LRRTM4: variants seen among roughly 807,000 people sequenced by gnomAD.
LRRTM4 encodes the protein leucine rich repeat transmembrane neuronal 4, also known as leucine-rich repeat transmembrane neuronal protein 4.
LRRTM4 carries 25 observed loss-of-function variants against 47.6 expected under a neutral mutation model. That is an observed-to-expected ratio of 0.53 (90% CI 0.38 to 0.73). The LOEUF (loss-of-function observed/expected upper bound fraction) is 0.73. LRRTM4 is among the 30% of genes least tolerant of loss of function. The pLI, the probability that LRRTM4 is intolerant of heterozygous loss-of-function variation, is 0.00. For synonymous variants in LRRTM4, 311 were observed against 269.5 expected, an observed-to-expected ratio of 1.15 and a Z score of -1.51; for missense variants, 638 against 713.4, an observed-to-expected ratio of 0.89 and a Z score of 1.20.
At chr2:77,088,338 A>G (rs950450464) in intron 3 of LRRTM4, among the ~76,000 whole-genome samples, 9 of 152,044 alleles carry the variant, frequency 5.9e-5, no homozygotes, top group African/African-American at 1.5e-4. Flanking sequence ...GCCCTGCCCC[A>G]CCTTAACTGA....
intron 3 of LRRTM4, among the ~76,000 whole-genome samples, chr2:77,117,603 T>C (rs1193966586): frequency 6.6e-6 from 1 of 151,962 alleles, no homozygotes; most frequent in Non-Finnish European, 1.5e-5. Context: ...AAATGACCAA[T>C]AAATAAATAA....
chr2:76,975,300 A>T (rs1219602262), intron 3 of LRRTM4, among the ~76,000 whole-genome samples: 1 of 151,852 alleles, frequency 6.6e-6, no homozygotes, highest in East Asian at 1.9e-4. Context: ...TGTAATAGCT[A>T]GTTTAGGCAA....
intron 3 of LRRTM4, among the ~76,000 whole-genome samples, chr2:76,929,505 C>T (rs1047660657): frequency 6.6e-6 from 1 of 152,126 alleles, no homozygotes; most frequent in Non-Finnish European, 1.5e-5. Flanking sequence ...TAATTTTAGA[C>T]CTGCTCTGCT....
intron 3 of LRRTM4, among the ~76,000 whole-genome samples, chr2:77,314,031 C>A (rs771982795): frequency 6.6e-6 from 1 of 152,142 alleles, no homozygotes; most frequent in Non-Finnish European, 1.5e-5. Context: ...GTTTGTAATG[C>A]AACTTACAAT....
rs769744760 is a variant in LRRTM4 at position 77,046,816 on chromosome 2, AAGAC to A, written c.1552-297904_1552-297901del. Reference sequence around the variant, plus strand: ...GCACACAATTTTTGTCATCCAGAAAAAGACAGAATGACTTTGAAGAGTTTGAAGT... The same window carrying A: ...GCACACAATTTTTGTCATCCAGAAAAAGAATGACTTTGAAGAGTTTGAAGT... On this transcript the variant is annotated intron_variant, in intron 3 of 3. Transcript: ENST00000409884. Among the ~76,000 whole-genome samples the A allele has an allele frequency of 4.6e-5, 7 of 152,122 alleles. No homozygotes were observed. The South Asian group carries it at 1.5e-3, about 32-fold the overall frequency.
chr2:77,068,769 G>T (rs1455468492), intron 3 of LRRTM4, among the ~76,000 whole-genome samples: 5 of 152,134 alleles, frequency 3.3e-5, no homozygotes, highest in Admixed American at 2.0e-4. Context: ...CCATAAACTG[G>T]CCCCAAAACT....
chr2:77,482,953 T>C (rs566966935), intron 3 of LRRTM4, among the ~76,000 whole-genome samples: 1 of 151,468 alleles, frequency 6.6e-6, no homozygotes, highest in East Asian at 2.0e-4. Flanking sequence ...AAACCCTGTC[T>C]CTACTAAAAA....
intron 3 of LRRTM4, among the ~76,000 whole-genome samples, chr2:76,921,111 C>T (rs780630789): frequency 1.3e-5 from 2 of 152,034 alleles, no homozygotes; most frequent in Admixed American, 6.6e-5. Flanking sequence ...TTTCTTTCTG[C>T]GGATTCTATC....
chr2:76,791,835 C>T (rs1057396627), intron 3 of LRRTM4, among the ~76,000 whole-genome samples: 2 of 152,132 alleles, frequency 1.3e-5, no homozygotes, highest in African/African-American at 4.8e-5. Flanking sequence ...CAAGTCAAAA[C>T]ATTGTAATAA....
intron 3 of LRRTM4, among the ~76,000 whole-genome samples, chr2:77,231,371 A>G (rs1333654635): frequency 6.6e-6 from 1 of 152,222 alleles, no homozygotes; most frequent in Non-Finnish European, 1.5e-5. Context: ...GGAATCTTAT[A>G]AATCACATTA....
chr2:77,439,427 G>A (rs910497752), intron 3 of LRRTM4, among the ~76,000 whole-genome samples: 4 of 151,354 alleles, frequency 2.6e-5, no homozygotes, highest in Non-Finnish European at 5.9e-5. Flanking sequence ...AATTCAAATA[G>A]GTACATATTT....
At chr2:77,162,329 G>C (rs1014729308) in intron 3 of LRRTM4, among the ~76,000 whole-genome samples, 3 of 152,190 alleles carry the variant, frequency 2.0e-5, no homozygotes, top group Admixed American at 6.5e-5. Context: ...CAGGAATCTC[G>C]AATTGGGTGG....
At chr2:77,211,023 C>T (rs1425963254) in intron 3 of LRRTM4, among the ~76,000 whole-genome samples, 1 of 152,054 alleles carries the variant, frequency 6.6e-6, no homozygotes, top group African/African-American at 2.4e-5. Flanking sequence ...AAAAAAGCTC[C>T]CCTGTACCCC....
At chr2:77,424,780 C>A (rs770080342) in intron 3 of LRRTM4, among the ~76,000 whole-genome samples, 2 of 152,110 alleles carry the variant, frequency 1.3e-5, no homozygotes, top group Non-Finnish European at 2.9e-5. Context: ...GAAATTCCAG[C>A]CTTAATCACA....
At chr2:77,437,604 A>G (rs1164767799) in intron 3 of LRRTM4, among the ~76,000 whole-genome samples, 1 of 152,136 alleles carries the variant, frequency 6.6e-6, no homozygotes, top group African/African-American at 2.4e-5. Context: ...AAACATTAGC[A>G]TTACTCTGCA....
chr2:76,998,533 C>G (rs1289802642), intron 3 of LRRTM4, among the ~76,000 whole-genome samples: 1 of 152,086 alleles, frequency 6.6e-6, no homozygotes, highest in African/African-American at 2.4e-5. Flanking sequence ...ACAATAATGT[C>G]AACAACCAAC....
chr2:77,361,201 A>T (rs1326330674), intron 3 of LRRTM4, among the ~76,000 whole-genome samples: 1 of 151,372 alleles, frequency 6.6e-6, no homozygotes, highest in Middle Eastern at 3.2e-3. Flanking sequence ...TCACCCACTC[A>T]CTTCTCTTAG....
At position 76,856,437 on chromosome 2, in the gene LRRTM4, A is replaced by C. The variant is rs912359232; in HGVS notation, c.1552-107521T>G. Among the ~76,000 whole-genome samples, 18 of 152,334 alleles carry C rather than the reference A, an allele frequency of 1.2e-4. No homozygotes were observed. In the Middle Eastern group the frequency reaches 0.01, roughly 86 times the overall value. The stretch of plus-strand genomic sequence containing the variant: ...CTCTCATATATGTAAATATCAAAAC[A>C]AACCATGTACTGCTAAGGAATAATT... On this transcript the variant is annotated intron_variant, in intron 3 of 3. Coordinates refer to ENST00000409884, the MANE Select transcript of LRRTM4 (RefSeq NM_001134745.3).
intron 3 of LRRTM4, among the ~76,000 whole-genome samples, chr2:77,317,582 G>A (rs1339087802): frequency 6.6e-6 from 1 of 152,028 alleles, no homozygotes; most frequent in African/African-American, 2.4e-5. Flanking sequence ...TTTCCCCCAT[G>A]TGCCTTTTCT....
Sources: gnomAD v4.1 joint callset for allele counts (sites outside exome capture counted in the v4.1 genomes callset) on GRCh38, gnomAD v4.1.1 for gene constraint, MANE v1.5 for transcripts, NCBI Gene and HGNC (gene_info 2026-07-23, HGNC 2026-07-21) for gene names.